The following CPA4 variants were observed in gnomAD, a reference collection of about 807,000 sequenced individuals.
CPA4 encodes the protein carboxypeptidase A3.
A neutral mutation model predicts 54.7 loss-of-function variants in CPA4; 49 were observed. The ratio of observed to expected loss-of-function variants is 0.90; its 90% confidence interval spans 0.71 to 1.14. The LOEUF (loss-of-function observed/expected upper bound fraction) is 1.14. Among genes scored for constraint, CPA4 ranks in the 50% most tolerant of loss-of-function variants. The pLI is 0.00. For synonymous variants in CPA4, 215 were observed against 206.8 expected (o/e 1.04, Z -0.34); for missense variants, 487 against 525.1 (o/e 0.93, Z 0.71).
intron 8 of CPA4, 31 bp downstream of exon 8, chr7:130,308,428 T>G (rs1793859987): frequency 6.4e-7 from 1 of 1,574,788 alleles, no homozygotes; most frequent in Admixed American, 1.7e-5. Context: ...TCTCAAATCC[T>G]GCTGTCCCTG....
chr7:130,310,683 C>T lies in CPA4; in HGVS notation c.794-104C>T. On this transcript the variant is annotated intron_variant, in intron 8 of 10. Coordinates refer to ENST00000222482, the MANE Select transcript of CPA4 (RefSeq NM_016352.4). This position sits in a 1 kb window ranked among gnomAD's most constrained non-coding sequence, Gnocchi z 4.3. ...GGTGCTCTGGGCCGTCTCGCCATGG[C>T]CTGCCCATTCCCAATACCTTCGGCC... is the stretch of plus-strand genomic sequence containing the variant. 9.6e-7 allele frequency: 1 copy of T among 1,040,920 alleles called. No individual in the cohort carries two copies. Among genetic ancestry groups the T allele is most frequent in the Non-Finnish European group, 1.5e-6 (1 of 686,580 alleles). The allele number at this position is 1,040,920 out of a possible 1,614,324, so 64.5% of individuals were successfully genotyped here.
chr7:130,296,890 G>A (rs955296728), intron 1 of CPA4, among the ~76,000 whole-genome samples: 4 of 151,386 alleles, frequency 2.6e-5, no homozygotes, highest in Admixed American at 2.0e-4. Context: ...TGAGTTCAGC[G>A]GACGGGCCCT....
At chr7:130,299,172 G>T in intron 2 of CPA4, 98 bp from the exon 3 acceptor site, 1 of 1,295,550 alleles carries the variant, frequency 7.7e-7, no homozygotes, top group Non-Finnish European at 1.1e-6. Flanking sequence ...AGCCTCTCAG[G>T]GATCACCCTG....
At chr7:130,303,966 C>T (rs1191273021) in intron 4 of CPA4, among the ~76,000 whole-genome samples, 1 of 151,868 alleles carries the variant, frequency 6.6e-6, no homozygotes, top group Non-Finnish European at 1.5e-5. Flanking sequence ...TTTATTATTA[C>T]TATTCTTAAA....
At chr7:130,307,360 G>A (rs778609690) in intron 7 of CPA4, among the ~76,000 whole-genome samples, 8 of 152,038 alleles carry the variant, frequency 5.3e-5, no homozygotes, top group Non-Finnish European at 4.4e-5. Context: ...GGCCAGGCGC[G>A]GTGGCTCACA....
chr7:130,300,306 C>T (rs1002618688), intron 3 of CPA4, among the ~76,000 whole-genome samples: 2 of 151,344 alleles, frequency 1.3e-5, no homozygotes, highest in African/African-American at 4.9e-5. Flanking sequence ...TTGAATGAGG[C>T]CATGTAAATT....
In CPA4 at chr7:130,322,512, G is replaced by A. The variant is rs751952099; in HGVS notation, c.1102G>A (p.Asp368Asn). The A allele has an allele frequency of 1.2e-5, 19 of 1,613,828 alleles. No individual in the cohort carries two copies. The highest frequency in any genetic ancestry group is 2.7e-5 in the African/African-American group (2 of 74,890). Reference sequence around the variant, plus strand: ...AGATCCAGCTAGCGGGAGCAGCATCGACTGGGCATATGACAACGGCATCAA... The same window carrying A: ...AGATCCAGCTAGCGGGAGCAGCATCAACTGGGCATATGACAACGGCATCAA... ...TVYPASGSSI[D>N]WAYDNGIKFA... The change falls in exon 11 of 11, where the codon GAC (aspartate) becomes AAC (asparagine). Residue 368 changes from aspartate (D) to asparagine (N), a missense_variant. Coordinates refer to ENST00000222482, the MANE Select transcript of CPA4 (RefSeq NM_016352.4).
intron 3 of CPA4, 78 bp downstream of exon 3, chr7:130,299,482 CA>C (rs1428504555): frequency 1.9e-5 from 26 of 1,360,538 alleles, no homozygotes; most frequent in Non-Finnish European, 2.6e-5. Context: ...GAGTGATTTG[CA>C]AGTTCTGGTT....
chr7:130,296,547 C>CT (rs1187509084), intron 1 of CPA4, among the ~76,000 whole-genome samples: 2 of 152,146 alleles, frequency 1.3e-5, no homozygotes, highest in African/African-American at 4.8e-5. Flanking sequence ...TTATGTCCTC[C>CT]TTTTTTCTCC....
chr7:130,309,550 C>T (rs1310661321), intron 8 of CPA4, among the ~76,000 whole-genome samples: 1 of 152,234 alleles, frequency 6.6e-6, no homozygotes, highest in African/African-American at 2.4e-5. Context: ...CCACCCTCCA[C>T]AGAAGTGCCG....
At chr7:130,314,914 G>A (rs1000993924) in intron 10 of CPA4, among the ~76,000 whole-genome samples, 1 of 152,156 alleles carries the variant, frequency 6.6e-6, no homozygotes, top group Non-Finnish European at 1.5e-5. Flanking sequence ...ATTCGGGTGA[G>A]GTGAAGGGAA....
chr7:130,316,954 T>TG (rs1016678291), intron 10 of CPA4, among the ~76,000 whole-genome samples: 1 of 150,564 alleles, frequency 6.6e-6, no homozygotes, highest in African/African-American at 2.4e-5. Context: ...TGGTGGGATT[T>TG]GGGGGGTAGC....
At chr7:130,311,122 C>T in intron 9 of CPA4, 136 bp downstream of exon 9, 1 of 689,154 alleles carries the variant, frequency 1.5e-6, no homozygotes, top group Non-Finnish European at 2.5e-6. Flanking sequence ...TCTTCTCTCC[C>T]TGCCCTTTGG....
At chr7:130,308,831 G>A (rs555213722) in intron 8 of CPA4, among the ~76,000 whole-genome samples, 14 of 143,466 alleles carry the variant, frequency 9.8e-5, no homozygotes, top group South Asian at 8.8e-4. Context: ...GAGTATAGCC[G>A]TAAGCCACCT....
At chr7:130,308,076 T>C (rs1330094927) in intron 7 of CPA4, 4 of 559,296 alleles carry the variant, frequency 7.2e-6, no homozygotes, top group Middle Eastern at 3.8e-4. Context: ...TTCTAGCATA[T>C]AAAGGTCTCA....
In CPA4 at chr7:130,322,481, A is replaced by G. The variant is rs766268317; in HGVS notation, c.1079-8A>G. 17 of 1,611,166 alleles carry G rather than the reference A, an allele frequency of 1.1e-5. No homozygotes were observed. The South Asian group carries it at 1.9e-4, about 18-fold the overall frequency. On this transcript the variant is annotated splice_region_variant and splice_polypyrimidine_tract_variant and intron_variant, in intron 10 of 10. Coordinates refer to ENST00000222482, the MANE Select transcript of CPA4 (RefSeq NM_016352.4). ...GGCTTCAAGAGTGTTTTGTCCTCCG[A>G]CTTACAGATCCAGCTAGCGGGAGCA...
In CPA4 at chr7:130,310,853, A is replaced by G; in HGVS notation, c.860A>G (p.Glu287Gly). The change falls in exon 9 of 11, where the codon GAG becomes GGG. Residue 287 changes from glutamate (E) to glycine (G), a missense_variant. Coordinates refer to ENST00000222482, the MANE Select transcript of CPA4 (RefSeq NM_016352.4). This position sits in a 1 kb window ranked among gnomAD's most constrained non-coding sequence, Gnocchi z 4.3. ...YHGPHANSEV[E>G]VKSVVDFIQK... ...GGACCCCACGCCAATTCGGAAGTGG[A>G]GGTGAAATCAGTGGTAGATTTCATC... is the stretch of plus-strand genomic sequence containing the variant. The G allele has an allele frequency of 1.2e-6, 2 of 1,614,182 alleles. No homozygotes were observed. Among genetic ancestry groups the G allele is most frequent in the Non-Finnish European group, 1.7e-6 (2 of 1,179,984 alleles).
At chr7:130,311,724 G>T (rs1793917625) in intron 9 of CPA4, among the ~76,000 whole-genome samples, 1 of 152,032 alleles carries the variant, frequency 6.6e-6, no homozygotes, top group Non-Finnish European at 1.5e-5. Flanking sequence ...TTCCTAGTGG[G>T]TCAGTGAGCA....
intron 10 of CPA4, among the ~76,000 whole-genome samples, chr7:130,317,638 ATT>A (rs968179014): frequency 4.0e-5 from 6 of 151,054 alleles, no homozygotes; most frequent in African/African-American, 1.5e-4. Context: ...TAATTTTTGT[ATT>A]TTTTTTTGTA....
Sources: allele counts gnomAD v4.1 joint callset (sites outside exome capture counted in the v4.1 genomes callset), GRCh38; gene constraint gnomAD v4.1.1; non-coding constraint Gnocchi (gnomAD v3.1); transcripts MANE v1.5; gene names NCBI Gene and HGNC (gene_info 2026-07-23, HGNC 2026-07-21).